The following FRMPD4 variants were observed in gnomAD, a reference collection of about 807,000 sequenced individuals.
FRMPD4 encodes the protein FERM and PDZ domain-containing protein 4.
FRMPD4 carries 22 observed loss-of-function variants against 94.1 expected under a neutral mutation model. That is an observed-to-expected ratio of 0.23 (90% CI 0.17 to 0.33). The LOEUF (loss-of-function observed/expected upper bound fraction) is 0.33, where lower values mean the gene tolerates loss of function less well. Ranked by LOEUF, FRMPD4 falls within the 10% of genes least tolerant of loss-of-function variation. FRMPD4 has a pLI of 1.00. For missense variants in FRMPD4, 1,111 were observed against 1,339.9 expected (o/e 0.83, Z 2.67); for synonymous variants, 631 against 548.6 (o/e 1.15, Z -2.10).
At chrX:12,245,646 A>G (rs1319074914) in intron 1 of FRMPD4, among the ~76,000 whole-genome samples, 1 of 109,610 alleles carries the variant, frequency 9.1e-6, no homozygotes, top group African/African-American at 3.3e-5. Flanking sequence ...AGATGAGACC[A>G]TCAAGAGATG....
At chrX:12,321,806 A>C (rs975756152) in intron 1 of FRMPD4, among the ~76,000 whole-genome samples, 1 of 112,235 alleles carries the variant, frequency 8.9e-6, no homozygotes, top group African/African-American at 3.2e-5. Context: ...AAGAAGCATC[A>C]GACAGACCTT....
At chrX:11,853,633 A>G (rs1351913214) in intron 1 of FRMPD4, among the ~76,000 whole-genome samples, 1 of 111,511 alleles carries the variant, frequency 9.0e-6, no homozygotes, top group African/African-American at 3.3e-5. Context: ...ATTAGAAAAA[A>G]TGGACACATA....
intron 3 of FRMPD4, among the ~76,000 whole-genome samples, chrX:12,097,299 G>C (rs1466195550): frequency 1.8e-5 from 2 of 111,843 alleles, no homozygotes; most frequent in Non-Finnish European, 3.8e-5. Flanking sequence ...CTGAATGGAA[G>C]GCCAGTGAAA....
intron 4 of FRMPD4, among the ~76,000 whole-genome samples, chrX:12,635,427 ATTTAC>A (rs2059434820): frequency 9.0e-6 from 1 of 110,720 alleles, no homozygotes; most frequent in African/African-American, 3.3e-5. Flanking sequence ...AGCATTAAGA[ATTTAC>A]AGAAGCTCTA....
At position 12,119,120 on chromosome X, in the gene FRMPD4, T is replaced by C. The variant is rs371678041; in HGVS notation, c.95+241102T>C. Among the ~76,000 whole-genome samples, 21 of 111,459 alleles carry C rather than the reference T, an allele frequency of 1.9e-4. 1 individual carries two copies. The highest frequency in any genetic ancestry group is 6.5e-4 in the African/African-American group (20 of 30,643). On this transcript the variant is annotated intron_variant, in intron 3 of 18. Transcript: ENST00000640291. Reference sequence around the variant, plus strand: ...TGTTCATTCTTGGTCCACAGCACTATGTCCAGGATTGGGGTCACATATTAT... The same window carrying C: ...TGTTCATTCTTGGTCCACAGCACTACGTCCAGGATTGGGGTCACATATTAT...
At chrX:11,993,269 A>G (rs1306359177) in intron 3 of FRMPD4, among the ~76,000 whole-genome samples, 1 of 111,042 alleles carries the variant, frequency 9.0e-6, no homozygotes, top group Non-Finnish European at 1.9e-5. Flanking sequence ...CACAGGTTGT[A>G]AGCAAATCAG....
chrX:12,663,366 T>C (rs2059738839), intron 4 of FRMPD4, among the ~76,000 whole-genome samples: 1 of 112,024 alleles, frequency 8.9e-6, no homozygotes, highest in South Asian at 3.6e-4. Flanking sequence ...GAGTTAATTT[T>C]TGTATAAGGT....
At chrX:12,325,177 CAT>C (rs889535746) in intron 1 of FRMPD4, among the ~76,000 whole-genome samples, 1 of 112,193 alleles carries the variant, frequency 8.9e-6, no homozygotes, top group African/African-American at 3.2e-5. Flanking sequence ...GTATTAGACT[CAT>C]GTGTAATACA....
chrX:12,536,822 A>C (rs2058344133), intron 2 of FRMPD4, among the ~76,000 whole-genome samples: 1 of 111,840 alleles, frequency 8.9e-6, no homozygotes, highest in African/African-American at 3.2e-5. Flanking sequence ...AAACATTGCA[A>C]ACCAGAGCCA....
At chrX:11,860,097 T>G (rs1336266941) in intron 1 of FRMPD4, among the ~76,000 whole-genome samples, 1 of 112,560 alleles carries the variant, frequency 8.9e-6, no homozygotes, top group Non-Finnish European at 1.9e-5. Flanking sequence ...GGATACTCCT[T>G]GGGACAATAT....
At chrX:12,642,370 C>T (rs2059508104) in intron 4 of FRMPD4, among the ~76,000 whole-genome samples, 1 of 111,795 alleles carries the variant, frequency 8.9e-6, no homozygotes. Context: ...GAGACCCGGA[C>T]GATGGGAAAA....
At chrX:12,562,680 C>G (rs182653865) in intron 2 of FRMPD4, among the ~76,000 whole-genome samples, 1 of 112,900 alleles carries the variant, frequency 8.9e-6, no homozygotes, top group African/African-American at 3.2e-5. Context: ...ACTGCCCTTG[C>G]ATGCTGAGAC....
chrX:12,265,464 T>C (rs557644121), intron 1 of FRMPD4, among the ~76,000 whole-genome samples: 200 of 112,089 alleles, frequency 1.8e-3, no homozygotes, highest in South Asian at 0.014. Flanking sequence ...ACTTGGGCTC[T>C]GTGCTAGATG....
intron 5 of FRMPD4, among the ~76,000 whole-genome samples, chrX:12,679,407 G>T (rs2059941281): frequency 8.9e-6 from 1 of 111,962 alleles, no homozygotes; most frequent in Non-Finnish European, 1.9e-5. Context: ...ACCAGGCGGG[G>T]ACCAGACAGA....
chrX:11,828,962 G>T (rs2053459790), intron 1 of FRMPD4, among the ~76,000 whole-genome samples: 1 of 112,064 alleles, frequency 8.9e-6, no homozygotes, highest in African/African-American at 3.2e-5. Context: ...CAAGCTCCAT[G>T]AAGAGCTGAT....
intron 1 of FRMPD4, among the ~76,000 whole-genome samples, chrX:12,461,191 G>A (rs1449674262): frequency 8.9e-6 from 1 of 112,068 alleles, no homozygotes; most frequent in African/African-American, 3.2e-5. Context: ...TCACCATGAT[G>A]TGCAGACTCC....
At chrX:12,160,941 T>G (rs1403460391) in intron 1 of FRMPD4, among the ~76,000 whole-genome samples, 2 of 111,222 alleles carry the variant, frequency 1.8e-5, no homozygotes, top group Admixed American at 9.6e-5. Flanking sequence ...AATATTAATA[T>G]TAGCATTAAT....
intron 3 of FRMPD4, among the ~76,000 whole-genome samples, chrX:12,133,439 T>G (rs756046986): frequency 9.2e-6 from 1 of 108,636 alleles, no homozygotes; most frequent in Non-Finnish European, 1.9e-5. Context: ...TTCTTTATTT[T>G]TTTCATATAC....
chrX:12,328,163 G>A (rs2055316868), intron 1 of FRMPD4, among the ~76,000 whole-genome samples: 1 of 112,132 alleles, frequency 8.9e-6, no homozygotes, highest in African/African-American at 3.2e-5. Flanking sequence ...CTTGGGATGA[G>A]CCAGTTATAG....
Sources: allele counts gnomAD v4.1 joint callset (sites outside exome capture counted in the v4.1 genomes callset), GRCh38; gene constraint gnomAD v4.1.1; transcripts MANE v1.5; gene names NCBI Gene and HGNC (gene_info 2026-07-23, HGNC 2026-07-21).